CD247: variants seen among roughly 807,000 people sequenced by gnomAD.
CD247 encodes the protein T-cell surface glycoprotein CD3 zeta chain.
Under a neutral mutation model 30.0 loss-of-function variants are expected in CD247, and 13 were observed. The ratio of observed to expected loss-of-function variants is 0.43; its 90% CI spans 0.28 to 0.69. The LOEUF (loss-of-function observed/expected upper bound fraction) is 0.69. CD247 is among the 30% of genes least tolerant of loss of function. The pLI is 0.16. For missense variants in CD247, 193 were observed against 212.6 expected, an observed-to-expected ratio of 0.91 and a Z score of 0.57; for synonymous variants, 72 against 80.0, an observed-to-expected ratio of 0.90 and a Z score of 0.53.
chr1:167,475,995 T>G (rs1048545304), intron 1 of CD247, among the ~76,000 whole-genome samples: 43 of 152,194 alleles, frequency 2.8e-4, no homozygotes, highest in African/African-American at 1.0e-3. Context: ...GTATAGTATA[T>G]ATTTTTTTTC....
chr1:167,458,997 C>T (rs4542198), intron 1 of CD247, among the ~76,000 whole-genome samples: 142,640 of 151,690 alleles, frequency 0.94, 67,256 homozygotes, highest in East Asian at 1. Flanking sequence ...TAGCTGAGCA[C>T]TGTGGCGTGC....
At chr1:167,460,754 G>A (rs1425207363) in intron 1 of CD247, among the ~76,000 whole-genome samples, 3 of 151,992 alleles carry the variant, frequency 2.0e-5, no homozygotes, top group South Asian at 2.1e-4. Flanking sequence ...CTGACCCCCC[G>A]ACAGGCCCTG....
intron 1 of CD247, among the ~76,000 whole-genome samples, chr1:167,514,125 C>T (rs1244211819): frequency 2.0e-5 from 3 of 151,884 alleles, no homozygotes; most frequent in African/African-American, 7.3e-5. Context: ...TTCAACAATT[C>T]TTATTTTATT....
intron 1 of CD247, among the ~76,000 whole-genome samples, chr1:167,475,043 C>A (rs1653688755): frequency 6.6e-6 from 1 of 152,112 alleles, no homozygotes; most frequent in South Asian, 2.1e-4. Context: ...TGAGCCACCG[C>A]ACCCGGCAAA....
intron 1 of CD247, among the ~76,000 whole-genome samples, chr1:167,444,585 C>A (rs141073998): frequency 6.6e-6 from 1 of 152,262 alleles, no homozygotes; most frequent in Non-Finnish European, 1.5e-5. Flanking sequence ...CTCAATCCAC[C>A]GCCCTCTCCC....
intron 1 of CD247, among the ~76,000 whole-genome samples, chr1:167,493,691 C>G (rs1462185040): frequency 6.6e-6 from 1 of 152,200 alleles, no homozygotes; most frequent in Non-Finnish European, 1.5e-5. Flanking sequence ...CTGATCATCT[C>G]TGTCCAAATC....
chr1:167,431,287 A>T lies in CD247; in HGVS notation c.*394T>A, dbSNP rs1651253913. ...TTACAGCAGGAGTGAAGCCACTCAG[A>T]CACAGAGTGATACAGACATTAGGGC... On this transcript the variant is annotated 3_prime_UTR_variant, in exon 8 of 8. Transcript: ENST00000362089. 1 of 549,544 alleles carries T rather than the reference A, an allele frequency of 1.8e-6. No individual in the cohort carries two copies. Among genetic ancestry groups the T allele is most frequent in the East Asian group, 2.8e-5 (1 of 35,304 alleles). The allele number at this position is 549,544 out of a possible 1,614,324, so 34.0% of individuals were successfully genotyped here.
intron 1 of CD247, among the ~76,000 whole-genome samples, chr1:167,480,911 A>G (rs1653946467): frequency 1.3e-5 from 2 of 152,232 alleles, no homozygotes; most frequent in African/African-American, 2.4e-5. Context: ...ATGTGAAACA[A>G]CAAGGCTGAC....
chr1:167,445,527 T>A (rs1652038676), intron 1 of CD247, among the ~76,000 whole-genome samples: 1 of 109,028 alleles, frequency 9.2e-6, no homozygotes, highest in Non-Finnish European at 1.9e-5. Flanking sequence ...CATCCCTTTG[T>A]AGCCTTTTGT....
chr1:167,459,750 T>A (rs996705230), intron 1 of CD247: 1 of 152,230 alleles, frequency 6.6e-6, no homozygotes. Flanking sequence ...ATGAGCATAT[T>A]ATTTGAAAAT....
intron 7 of CD247, among the ~76,000 whole-genome samples, chr1:167,432,745 C>T (rs563859011): frequency 5.9e-5 from 9 of 152,336 alleles, no homozygotes; most frequent in African/African-American, 1.4e-4. Context: ...TCTGCATCGG[C>T]GGGGAGGCTG....
intron 1 of CD247, among the ~76,000 whole-genome samples, chr1:167,486,615 G>A (rs1654218807): frequency 6.6e-6 from 1 of 152,222 alleles, no homozygotes; most frequent in Admixed American, 6.5e-5. Context: ...TGTTTCCCAC[G>A]CTTCAGAGGC....
chr1:167,518,420 A>G lies in CD247; in HGVS notation c.46T>C (p.Leu16=). Residue 16 remains leucine (L), a synonymous_variant, in exon 1 of 8, where the codon TTG becomes CTG. Transcript: ENST00000362089. ...ACGTCGGCCCTACCTGTAATCGGCA[A>G]CTGTGCCTGCAGGATGGCCGCGGTG... is the stretch of plus-strand genomic sequence containing the variant. ...LFTAAILQAQ[L]PITEAQSFGL... The G allele has an allele frequency of 6.2e-7, 1 of 1,614,222 alleles. No homozygotes were observed. Among genetic ancestry groups the G allele is most frequent in the African/African-American group, 1.3e-5 (1 of 75,062 alleles).
chr1:167,487,275 G>A (rs965870884), intron 1 of CD247, among the ~76,000 whole-genome samples: 5 of 151,646 alleles, frequency 3.3e-5, no homozygotes, highest in Non-Finnish European at 7.4e-5. Flanking sequence ...TACTTGGGAG[G>A]TTCAGGCAGA....
chr1:167,439,813 C>T, intron 2 of CD247: 1 of 256,348 alleles, frequency 3.9e-6, no homozygotes, highest in South Asian at 4.7e-5. Flanking sequence ...CCTATCTTGA[C>T]CCCCGGAGCA....
intron 1 of CD247, among the ~76,000 whole-genome samples, chr1:167,484,143 C>T (rs1462652382): frequency 6.6e-6 from 1 of 152,212 alleles, no homozygotes; most frequent in African/African-American, 2.4e-5. Context: ...CCTCATTCCT[C>T]GTGCCCCACA....
At chr1:167,469,956 C>T (rs1385398337) in intron 1 of CD247, among the ~76,000 whole-genome samples, 4 of 152,102 alleles carry the variant, frequency 2.6e-5, no homozygotes, top group Non-Finnish European at 4.4e-5. Context: ...TCTCGTCACC[C>T]AGGCTGGAGT....
At chr1:167,498,618 C>A (rs1165658553) in intron 1 of CD247, among the ~76,000 whole-genome samples, 1 of 152,226 alleles carries the variant, frequency 6.6e-6, no homozygotes, top group African/African-American at 2.4e-5. Flanking sequence ...CACACATTTT[C>A]TTTAATTATC....
At chr1:167,495,830 A>C (rs1345686660) in intron 1 of CD247, among the ~76,000 whole-genome samples, 2 of 152,100 alleles carry the variant, frequency 1.3e-5, no homozygotes, top group Non-Finnish European at 1.5e-5. Context: ...TCTGGGTTTG[A>C]CTAGAATGCC....
Sources: gnomAD v4.1 joint callset for allele counts (sites outside exome capture counted in the v4.1 genomes callset) on GRCh38, gnomAD v4.1.1 for gene constraint, MANE v1.5 for transcripts, NCBI Gene and HGNC (gene_info 2026-07-23, HGNC 2026-07-21) for gene names.